JAZF1: variants seen among roughly 807,000 people sequenced by gnomAD.
The protein encoded by JAZF1 is JAZF zinc finger 1.
In JAZF1, 8 loss-of-function variants were observed where a neutral mutation model predicts 26.4. The ratio of observed to expected loss-of-function variants is 0.30; its 90% confidence interval spans 0.18 to 0.55. JAZF1 has a LOEUF of 0.55. Among genes scored for constraint, JAZF1 ranks in the 20% least tolerant of loss-of-function variants. JAZF1 has a pLI of 0.94. For synonymous variants in JAZF1, 126 were observed against 122.3 expected (o/e 1.03, Z -0.20); for missense variants, 199 against 322.0 (o/e 0.62, Z 2.92).
intron 2 of JAZF1, among the ~76,000 whole-genome samples, chr7:27,987,591 G>A (rs1785756281): frequency 6.6e-6 from 1 of 151,154 alleles, no homozygotes; most frequent in African/African-American, 2.4e-5. Context: ...CGCCCGGCCA[G>A]CCGCCCCGTC....
intron 1 of JAZF1, among the ~76,000 whole-genome samples, chr7:28,054,859 T>C (rs1583533711): frequency 6.6e-6 from 1 of 152,056 alleles, no homozygotes; most frequent in East Asian, 1.9e-4. Flanking sequence ...TGGCGCTAGG[T>C]AGGATTTACC....
At chr7:28,170,698 C>A (rs956214556) in intron 1 of JAZF1, among the ~76,000 whole-genome samples, 1 of 152,112 alleles carries the variant, frequency 6.6e-6, no homozygotes, top group East Asian at 1.9e-4. Flanking sequence ...CTGCTCCCAT[C>A]GACACTGCTC....
chr7:27,986,116 A>C (rs1785700088), intron 2 of JAZF1, among the ~76,000 whole-genome samples: 1 of 152,242 alleles, frequency 6.6e-6, no homozygotes. Context: ...TGGCCAGGGC[A>C]ATCAGGCAAG....
In JAZF1 at chr7:27,897,804, C is replaced by T. The variant is rs182835273; in HGVS notation, c.189-2388G>A. Among the ~76,000 whole-genome samples, 139 of 152,304 alleles carry T rather than the reference C, an allele frequency of 9.1e-4. 1 individual carries two copies. Among genetic ancestry groups the T allele is most frequent in the Middle Eastern group, 3.4e-3 (1 of 294 alleles). On this transcript the variant is annotated intron_variant, in intron 2 of 4. Transcript: ENST00000283928. ...CTCTCTGCACCTGAACAGACTCCCACGTGCACTGCTGCAAGGGTGCCTGCA... is the reference window on the plus strand; with the variant it reads ...CTCTCTGCACCTGAACAGACTCCCATGTGCACTGCTGCAAGGGTGCCTGCA...
chr7:28,000,708 T>C (rs1344619941), intron 1 of JAZF1, among the ~76,000 whole-genome samples: 1 of 147,264 alleles, frequency 6.8e-6, no homozygotes, highest in African/African-American at 2.5e-5. Flanking sequence ...AACCTCTGCC[T>C]CCCACGTTCA....
At chr7:27,932,176 C>T (rs923398974) in intron 2 of JAZF1, among the ~76,000 whole-genome samples, 9 of 152,028 alleles carry the variant, frequency 5.9e-5, no homozygotes, top group African/African-American at 2.2e-4. Context: ...AAAGAGAAAC[C>T]CAAGGTTTGG....
At chr7:27,867,026 T>C (rs961509875) in intron 3 of JAZF1, among the ~76,000 whole-genome samples, 4 of 152,194 alleles carry the variant, frequency 2.6e-5, no homozygotes, top group African/African-American at 9.7e-5. Context: ...ACTGTCTTTG[T>C]TGGACCAACT....
In JAZF1 at chr7:28,147,707, C is replaced by T. The variant is rs1047862143; in HGVS notation, c.115+32756G>A. Among the ~76,000 whole-genome samples, 5 of 148,410 alleles carry T rather than the reference C, an allele frequency of 3.4e-5. No homozygotes were observed. In the South Asian group the frequency reaches 1.1e-3, roughly 32 times the overall value. Reference sequence around the variant, plus strand: ...TACCAAAAAAAAAAAAGTATATATACATATATATATACACACAAAAAAAAA... The same window carrying T: ...TACCAAAAAAAAAAAAGTATATATATATATATATATACACACAAAAAAAAA... On this transcript the variant is annotated intron_variant, in intron 1 of 4. Transcript: ENST00000283928.
chr7:28,152,918 A>G (rs565494942), intron 1 of JAZF1, among the ~76,000 whole-genome samples: 29 of 152,384 alleles, frequency 1.9e-4, no homozygotes, highest in Non-Finnish European at 1.8e-4. Flanking sequence ...CAACTTTTTC[A>G]TAACTATTAT....
At chr7:28,121,869 C>A (rs932802322) in intron 1 of JAZF1, among the ~76,000 whole-genome samples, 1 of 152,194 alleles carries the variant, frequency 6.6e-6, no homozygotes, top group Non-Finnish European at 1.5e-5. Flanking sequence ...CTTCAATGTC[C>A]CAGTCTTTTG....
intron 1 of JAZF1, among the ~76,000 whole-genome samples, chr7:28,164,278 G>A (rs1376704085): frequency 1.3e-5 from 2 of 152,176 alleles, no homozygotes; most frequent in Non-Finnish European, 2.9e-5. Flanking sequence ...CTGAGTTTTG[G>A]GATAGTTTGT....
At chr7:27,919,914 G>A (rs1318571947) in intron 2 of JAZF1, among the ~76,000 whole-genome samples, 1 of 152,172 alleles carries the variant, frequency 6.6e-6, no homozygotes, top group African/African-American at 2.4e-5. Flanking sequence ...ACAACTTGTG[G>A]AGTTTACTCT....
At chr7:28,157,184 C>G (rs1783198718) in intron 1 of JAZF1, among the ~76,000 whole-genome samples, 1 of 152,208 alleles carries the variant, frequency 6.6e-6, no homozygotes, top group African/African-American at 2.4e-5. Flanking sequence ...CTGATCTCCT[C>G]AGCACCCCCA....
intron 3 of JAZF1, chr7:27,841,608 GT>G (rs1782922142): frequency 6.6e-6 from 1 of 152,354 alleles, no homozygotes; most frequent in East Asian, 1.9e-4. Flanking sequence ...ACCCATCACA[GT>G]TACGCAGCTC....
At chr7:28,158,143 A>T (rs917286172) in intron 1 of JAZF1, among the ~76,000 whole-genome samples, 1 of 141,738 alleles carries the variant, frequency 7.1e-6, no homozygotes, top group Non-Finnish European at 1.5e-5. Context: ...CATTGAAAAC[A>T]CGCGCGCACA....
At chr7:28,129,417 C>T (rs1335209970) in intron 1 of JAZF1, among the ~76,000 whole-genome samples, 2 of 151,954 alleles carry the variant, frequency 1.3e-5, no homozygotes, top group Non-Finnish European at 2.9e-5. Context: ...TTTCTGGGGC[C>T]CGAACATTGT....
intron 2 of JAZF1, among the ~76,000 whole-genome samples, chr7:27,940,090 C>A (rs1043412662): frequency 6.6e-6 from 1 of 152,182 alleles, no homozygotes; most frequent in Non-Finnish European, 1.5e-5. Flanking sequence ...AGAAACCCGG[C>A]TCCTGCCTGC....
intron 1 of JAZF1, among the ~76,000 whole-genome samples, chr7:28,062,520 C>A (rs1583538312): frequency 6.6e-6 from 1 of 151,122 alleles, no homozygotes; most frequent in Admixed American, 6.6e-5. Context: ...CCCACACAGA[C>A]CCTGCATGCT....
chr7:28,167,447 T>A (rs1370390468), intron 1 of JAZF1, among the ~76,000 whole-genome samples: 1 of 152,124 alleles, frequency 6.6e-6, no homozygotes, highest in Non-Finnish European at 1.5e-5. Flanking sequence ...AAAGCCAGGA[T>A]CACAAGTGAG....
Sources: gnomAD v4.1 joint callset for allele counts (sites outside exome capture counted in the v4.1 genomes callset) on GRCh38, gnomAD v4.1.1 for gene constraint, MANE v1.5 for transcripts, NCBI Gene and HGNC (gene_info 2026-07-23, HGNC 2026-07-21) for gene names.